AOPEP: variants seen among roughly 807,000 people sequenced by gnomAD.
AOPEP encodes the protein aminopeptidase O.
AOPEP carries 77 observed loss-of-function variants against 98.1 expected under a neutral mutation model. That is an observed-to-expected ratio of 0.78 (90% CI 0.65 to 0.95). The LOEUF (loss-of-function observed/expected upper bound fraction) is 0.95, where lower values mean the gene tolerates loss of function less well. AOPEP is among the 40% of genes least tolerant of loss of function. AOPEP has a pLI of 0.00. For synonymous variants in AOPEP, 346 were observed against 365.3 expected, an observed-to-expected ratio of 0.95 and a Z score of 0.60; for missense variants, 1,024 against 1,024.7, an observed-to-expected ratio of 1.00 and a Z score of 0.01.
the AOPEP span, chr9:95,114,784 G>T: frequency 8.0e-7 from 1 of 1,255,696 alleles, no homozygotes; most frequent in Non-Finnish European, 1.2e-6. Flanking sequence ...CTGCAGGGAT[G>T]ACCTGAAGAG....
At chr9:94,913,765 A>G (rs1315744729) in intron 5 of AOPEP, among the ~76,000 whole-genome samples, 1 of 152,226 alleles carries the variant, frequency 6.6e-6, no homozygotes. Flanking sequence ...CAGTGAATTC[A>G]TTCGTTTAAT....
intron 13 of AOPEP, among the ~76,000 whole-genome samples, chr9:95,030,112 C>T (rs1187894714): frequency 6.6e-6 from 1 of 152,056 alleles, no homozygotes; most frequent in East Asian, 1.9e-4. Flanking sequence ...TTTTTTCCCC[C>T]TGAATATCAA....
At chr9:94,852,884 A>G (rs1042087732) in intron 5 of AOPEP, among the ~76,000 whole-genome samples, 2 of 152,206 alleles carry the variant, frequency 1.3e-5, no homozygotes, top group Non-Finnish European at 2.9e-5. Context: ...ATATTTTTCC[A>G]TTATCTGCCA....
chr9:94,956,455 C>A (rs1468879392), intron 9 of AOPEP, among the ~76,000 whole-genome samples: 2 of 152,202 alleles, frequency 1.3e-5, no homozygotes, highest in Non-Finnish European at 2.9e-5. Context: ...ATTATGTTTT[C>A]ATCATGGGGC....
At chr9:95,015,311 A>G (rs936829360) in intron 13 of AOPEP, among the ~76,000 whole-genome samples, 7 of 152,214 alleles carry the variant, frequency 4.6e-5, no homozygotes, top group African/African-American at 4.8e-5. Flanking sequence ...AAATTCATCT[A>G]TGTTTTGCAA....
At chr9:94,823,330 A>C (rs948370586) in intron 5 of AOPEP, among the ~76,000 whole-genome samples, 1 of 152,100 alleles carries the variant, frequency 6.6e-6, no homozygotes. Context: ...TGGGCAGTTG[A>C]CTCGCTTTCT....
chr9:95,006,116 A>C (rs1007315488), intron 13 of AOPEP: 1 of 471,082 alleles, frequency 2.1e-6, no homozygotes, highest in Non-Finnish European at 4.4e-6. Flanking sequence ...TGTTTGCCCA[A>C]GTTTAGAATT....
At chr9:94,856,727 A>G (rs1338915610) in intron 5 of AOPEP, among the ~76,000 whole-genome samples, 3 of 152,128 alleles carry the variant, frequency 2.0e-5, no homozygotes, top group African/African-American at 4.8e-5. Context: ...GGTAAAAAGC[A>G]ATTTGGTTGA....
chr9:94,858,460 AGGT>A (rs1425326032), intron 5 of AOPEP, among the ~76,000 whole-genome samples: 7 of 152,214 alleles, frequency 4.6e-5, no homozygotes, highest in Admixed American at 1.3e-4. Flanking sequence ...GCTAAAATCA[AGGT>A]GGCAGCAGGG....
At chr9:95,061,398 A>T (rs2067306610) in intron 14 of AOPEP, among the ~76,000 whole-genome samples, 1 of 152,262 alleles carries the variant, frequency 6.6e-6, no homozygotes, top group Non-Finnish European at 1.5e-5. Context: ...TTAAGTAAAA[A>T]CAAGAGCTTA....
chr9:95,136,886 C>T, the AOPEP span, among the ~76,000 whole-genome samples: 1 of 152,176 alleles, frequency 6.6e-6, no homozygotes, highest in Non-Finnish European at 1.5e-5. Context: ...CTGGAGGGAG[C>T]ATGAGGGGCA....
chr9:95,091,206 G>T (rs79242028), downstream of AOPEP, among the ~76,000 whole-genome samples: 1 of 152,218 alleles, frequency 6.6e-6, no homozygotes, highest in Non-Finnish European at 1.5e-5. Flanking sequence ...GATGGGGCCA[G>T]TGGAGGACTT....
intron 11 of AOPEP, chr9:95,004,283 T>C (rs1438845079): frequency 2.2e-6 from 1 of 456,754 alleles, no homozygotes; most frequent in Admixed American, 2.3e-5. Flanking sequence ...CACATTTTTA[T>C]AAAGTAAGTG....
At chr9:94,948,220 A>AC (rs1238132650) in intron 7 of AOPEP, among the ~76,000 whole-genome samples, 2 of 152,086 alleles carry the variant, frequency 1.3e-5, no homozygotes, top group African/African-American at 4.8e-5. Flanking sequence ...TTCCTTAGGC[A>AC]CAGACCTAAG....
intron 5 of AOPEP, among the ~76,000 whole-genome samples, chr9:94,862,262 A>G (rs540728842): frequency 6.6e-6 from 1 of 152,156 alleles, no homozygotes; most frequent in African/African-American, 2.4e-5. Context: ...CCACAGAAAA[A>G]CAGTGTTCTT....
intron 2 of AOPEP, among the ~76,000 whole-genome samples, chr9:94,766,055 GT>G (rs939639188): frequency 6.6e-6 from 1 of 152,192 alleles, no homozygotes; most frequent in Non-Finnish European, 1.5e-5. Flanking sequence ...AGGGTCAAGA[GT>G]TGTGTAAAGG....
Position 94,792,820 on chromosome 9 carries a change from A to T in AOPEP, c.1020A>T (p.Thr340=). The part of the protein sequence containing the change: ...VTMPMPASTF[T]IAVGCWTEMK... ...TGCCAATGCCAGCCTCCACCTTCAC[A>T]ATTGCAGTGGGATGCTGGACAGAAA... Residue 340 remains threonine (T), a synonymous_variant, in exon 4 of 17, where the codon ACA becomes ACT. Transcript: ENST00000375315. 1 of 1,613,702 alleles carries T rather than the reference A, an allele frequency of 6.2e-7. No homozygotes were observed. Among genetic ancestry groups the T allele is most frequent in the Non-Finnish European group, 8.5e-7 (1 of 1,179,720 alleles).
intron 2 of AOPEP, among the ~76,000 whole-genome samples, chr9:94,765,697 G>C (rs112120563): frequency 0.013 from 1,977 of 151,916 alleles, 19 homozygotes; most frequent in Middle Eastern, 0.058. Flanking sequence ...CATGTGGCAG[G>C]GTTCTCTGGA....
intron 5 of AOPEP, among the ~76,000 whole-genome samples, chr9:94,887,232 C>T (rs2048346198): frequency 6.6e-6 from 1 of 152,010 alleles, no homozygotes; most frequent in Non-Finnish European, 1.5e-5. Context: ...CCTGTAGTCC[C>T]AGCTACTTGG....
Sources: allele counts gnomAD v4.1 joint callset (sites outside exome capture counted in the v4.1 genomes callset), GRCh38; gene constraint gnomAD v4.1.1; transcripts MANE v1.5; gene names NCBI Gene and HGNC (gene_info 2026-07-23, HGNC 2026-07-21).